Variants in RSPRY1 observed in about 807,000 individuals in gnomAD.
RSPRY1 encodes RING finger and SPRY domain-containing protein 1.
In RSPRY1, 23 loss-of-function variants were observed where a neutral mutation model predicts 73.1. The observed-to-expected ratio is 0.31, with a 90% CI of 0.23 to 0.45. The LOEUF is 0.45. RSPRY1 is among the 20% of genes least tolerant of loss of function. The pLI is 1.00. For synonymous variants in RSPRY1, 226 were observed against 251.4 expected, an observed-to-expected ratio of 0.90 and a Z score of 0.95; for missense variants, 448 against 698.7, an observed-to-expected ratio of 0.64 and a Z score of 4.05.
Position 57,220,864 on chromosome 16 carries a change from C to T in RSPRY1, c.1017+17C>T, listed in dbSNP as rs2075023405. 6 of 1,525,098 alleles carry T rather than the reference C, an allele frequency of 3.9e-6. No homozygotes were observed. Among genetic ancestry groups the T allele is most frequent in the Non-Finnish European group, 5.5e-6 (6 of 1,098,884 alleles). The allele number at this position is 1,525,098 out of a possible 1,614,324, so 94.5% of individuals were successfully genotyped here. On this transcript the variant is annotated intron_variant, in intron 9 of 14. Transcript: ENST00000394420. ...GGCTTAGAGGTAGGTAATGCTTCTA[C>T]AGTTGGACCCTTTGGGGGATGAGAG...
intron 11 of RSPRY1, among the ~76,000 whole-genome samples, chr16:57,228,272 C>CAAA (rs34368338): frequency 1.2e-4 from 9 of 72,066 alleles, no homozygotes; most frequent in African/African-American, 2.6e-4. Flanking sequence ...GACTCCATCT[C>CAAA]AAAAAAAAAA....
chr16:57,204,482 C>T, intron 1 of RSPRY1, 22 bp from the exon 2 acceptor site: 1 of 602,156 alleles, frequency 1.7e-6, no homozygotes, highest in Admixed American at 2.8e-5. Context: ...TATTCATTTT[C>T]CTTTTTCTCA....
chr16:57,194,245 G>A (rs2074400074), intron 1 of RSPRY1, among the ~76,000 whole-genome samples: 1 of 152,040 alleles, frequency 6.6e-6, no homozygotes, highest in Non-Finnish European at 1.5e-5. Context: ...GATAAGAGAT[G>A]GATAGCGATA....
chr16:57,188,800 G>A (rs78999802), intron 1 of RSPRY1, among the ~76,000 whole-genome samples: 309 of 152,160 alleles, frequency 2.0e-3, no homozygotes, highest in African/African-American at 7.3e-3. Flanking sequence ...ACAGGCGTGA[G>A]CCACTGTGTC....
chr16:57,195,555 C>T (rs1392463460), intron 1 of RSPRY1, among the ~76,000 whole-genome samples: 1 of 151,922 alleles, frequency 6.6e-6, no homozygotes. Context: ...AAAAGTATTG[C>T]CACTTAGGTG....
chr16:57,201,832 G>A (rs1020970764), intron 1 of RSPRY1, among the ~76,000 whole-genome samples: 10 of 152,324 alleles, frequency 6.6e-5, no homozygotes, highest in African/African-American at 1.9e-4. Flanking sequence ...GGCGGTGCGC[G>A]CCTGCAATCG....
intron 1 of RSPRY1, among the ~76,000 whole-genome samples, chr16:57,194,051 A>G (rs566266534): frequency 1.3e-5 from 2 of 152,216 alleles, no homozygotes; most frequent in Admixed American, 6.5e-5. Flanking sequence ...GGGCAACAGA[A>G]TGAGATTCCG....
chr16:57,229,897 G>T (rs2146363582), intron 11 of RSPRY1, among the ~76,000 whole-genome samples: 1 of 150,718 alleles, frequency 6.6e-6, no homozygotes, highest in South Asian at 2.1e-4. Flanking sequence ...AGTAGAGATG[G>T]GGTTTCACCA....
At chr16:57,238,447 A>G (rs1219351495) in intron 14 of RSPRY1, among the ~76,000 whole-genome samples, 5 of 152,254 alleles carry the variant, frequency 3.3e-5, no homozygotes, top group African/African-American at 1.2e-4. Context: ...ATGGCAGAAT[A>G]ATGGAATACA....
chr16:57,208,451 G>A (rs7195007), intron 3 of RSPRY1, among the ~76,000 whole-genome samples: 115,828 of 138,530 alleles, frequency 0.84, 48,722 homozygotes, highest in Non-Finnish European at 0.88. Context: ...AGGCTGGAGT[G>A]CAGTGGCACG....
intron 1 of RSPRY1, among the ~76,000 whole-genome samples, chr16:57,203,519 T>A (rs1192721727): frequency 6.6e-6 from 1 of 152,232 alleles, no homozygotes; most frequent in African/African-American, 2.4e-5. Context: ...TTTGTTTTTT[T>A]ACTTTTTGCT....
intron 10 of RSPRY1, among the ~76,000 whole-genome samples, chr16:57,226,157 G>A (rs1214539105): frequency 6.6e-6 from 1 of 152,212 alleles, no homozygotes; most frequent in Non-Finnish European, 1.5e-5. Context: ...TTTTAGCTGA[G>A]TGTCCACTAT....
At chr16:57,196,162 T>C (rs2074443548) in intron 1 of RSPRY1, among the ~76,000 whole-genome samples, 1 of 152,070 alleles carries the variant, frequency 6.6e-6, no homozygotes, top group Non-Finnish European at 1.5e-5. Flanking sequence ...TTTAGGTTCA[T>C]TTTGATGCTT....
chr16:57,223,915 T>C (rs2075080461), intron 10 of RSPRY1, among the ~76,000 whole-genome samples: 1 of 152,136 alleles, frequency 6.6e-6, no homozygotes, highest in African/African-American at 2.4e-5. Flanking sequence ...ATGAGGAAAA[T>C]CAAGTTGAGA....
At chr16:57,197,282 G>C (rs1205263278) in intron 1 of RSPRY1, among the ~76,000 whole-genome samples, 3 of 152,132 alleles carry the variant, frequency 2.0e-5, no homozygotes, top group Admixed American at 1.3e-4. Flanking sequence ...TTCAGTGCCA[G>C]ATAAATCTGA....
intron 6 of RSPRY1, among the ~76,000 whole-genome samples, chr16:57,215,869 C>G (rs1228866977): frequency 6.6e-6 from 1 of 151,742 alleles, no homozygotes; most frequent in Non-Finnish European, 1.5e-5. Flanking sequence ...TTGAAATTTC[C>G]AAATCTATAA....
At chr16:57,229,633 C>T (rs977710154) in intron 11 of RSPRY1, among the ~76,000 whole-genome samples, 3 of 125,340 alleles carry the variant, frequency 2.4e-5, no homozygotes, top group Non-Finnish European at 5.0e-5. Context: ...ACAAAAATAA[C>T]AAAACCAAAA....
intron 14 of RSPRY1, among the ~76,000 whole-genome samples, chr16:57,236,967 C>G (rs1415029754): frequency 3.3e-5 from 5 of 151,924 alleles, no homozygotes; most frequent in Non-Finnish European, 7.4e-5. Flanking sequence ...GAGTTTGAGA[C>G]CAGCCTGGCC....
At chr16:57,195,414 A>T (rs1219203752) in intron 1 of RSPRY1, among the ~76,000 whole-genome samples, 4 of 152,286 alleles carry the variant, frequency 2.6e-5, no homozygotes, top group Middle Eastern at 3.4e-3. Context: ...CGGGTGGCCG[A>T]GGCAGGAGAA....
Sources: allele counts gnomAD v4.1 joint callset (sites outside exome capture counted in the v4.1 genomes callset), GRCh38; gene constraint gnomAD v4.1.1; transcripts MANE v1.5; gene names NCBI Gene and HGNC (gene_info 2026-07-23, HGNC 2026-07-21).